Variants in NCOA2 observed in about 807,000 individuals in gnomAD.
NCOA2 encodes class E basic helix-loop-helix protein 75.
In NCOA2, 21 loss-of-function variants were observed where a neutral mutation model predicts 145.1. The observed-to-expected ratio is 0.14, with a 90% CI of 0.10 to 0.21. The LOEUF (loss-of-function observed/expected upper bound fraction) is 0.21. Ranked by LOEUF, NCOA2 falls within the 10% of genes least tolerant of loss-of-function variation. NCOA2 has a pLI of 1.00. For missense variants in NCOA2, 1,472 were observed against 1,837.6 expected (o/e 0.80, Z 3.64); for synonymous variants, 619 against 637.5 (o/e 0.97, Z 0.44).
chr8:70,182,348 C>T (rs1815580501), intron 4 of NCOA2, among the ~76,000 whole-genome samples: 2 of 152,190 alleles, frequency 1.3e-5, no homozygotes, highest in Admixed American at 1.3e-4. Flanking sequence ...CCCAGCAAAA[C>T]CCTCTTACTC....
At position 70,174,801 on chromosome 8, in the gene NCOA2, C is replaced by T. The variant is rs1394208447; in HGVS notation, c.318G>A (p.Gly106=). The T allele has an allele frequency of 4.3e-6, 7 of 1,613,620 alleles. No individual in the cohort carries two copies. The highest frequency in any genetic ancestry group is 5.9e-6 in the Non-Finnish European group (7 of 1,179,716). ...EVQKSDVSST[G]QGVIDKDALG... is the part of the protein sequence containing the mutation. ...GCGCATCCTTGTCGATGACACCCTG[C>T]CCTGTAGAGGATACATCTGACTTCT... is the stretch of plus-strand genomic sequence containing the variant. The change falls in exon 5 of 23, where the codon GGG becomes GGA. Residue 106 remains glycine, a synonymous_variant. Coordinates refer to ENST00000452400, the MANE Select transcript of NCOA2 (RefSeq NM_006540.4).
Position 70,156,513 on chromosome 8 carries a change from G to A in NCOA2, c.1852C>T (p.Pro618Ser). 1.2e-6 allele frequency: 2 copies of A among 1,613,842 alleles called. No individual in the cohort carries two copies. Among genetic ancestry groups the A allele is most frequent in the South Asian group, 1.1e-5 (1 of 91,084 alleles). The change falls in exon 11 of 23, where the codon CCC becomes TCC. Residue 618 changes from proline (P) to serine (S), a missense_variant. By Grantham distance (74) the Pro-to-Ser change is moderately conservative. Coordinates refer to ENST00000452400, the MANE Select transcript of NCOA2 (RefSeq NM_006540.4). Reference sequence around the variant, plus strand: ...GCTCTCTCACTGCTCACGGCCGGGGGCAGGTTGGGGTCATTTGTTTCCTTT... The same window carrying A: ...GCTCTCTCACTGCTCACGGCCGGGGACAGGTTGGGGTCATTTGTTTCCTTT... ...EQKETNDPNLPPAVSSERADG... is the reference protein window; with the variant it reads ...EQKETNDPNLSPAVSSERADG...
intron 2 of NCOA2, among the ~76,000 whole-genome samples, chr8:70,286,676 G>A (rs1051495315): frequency 1.3e-5 from 2 of 152,108 alleles, no homozygotes; most frequent in Non-Finnish European, 2.9e-5. Context: ...TAAATTCTAG[G>A]TAGTAAGCAA....
chr8:70,387,554 T>C (rs1812780406), intron 1 of NCOA2, among the ~76,000 whole-genome samples: 1 of 152,154 alleles, frequency 6.6e-6, no homozygotes, highest in Admixed American at 6.6e-5. Flanking sequence ...AGATGGTGGC[T>C]CCCAACACGA....
rs149812200 is a variant in NCOA2 at position 70,218,566 on chromosome 8, G to A, written c.-19-1802C>T. On this transcript the variant is annotated intron_variant, in intron 2 of 22. Coordinates refer to ENST00000452400, the MANE Select transcript of NCOA2 (RefSeq NM_006540.4). ...GGAGTTGGAGACCAGCCTGAACAAC[G>A]TATCAAGATCCCATCTCTGTAACAA... Among the ~76,000 whole-genome samples the A allele has an allele frequency of 2.3e-3, 351 of 152,192 alleles. 5 individuals are homozygous for A. The highest frequency in any genetic ancestry group is 4.4e-3 in the Non-Finnish European group (298 of 68,008).
At chr8:70,227,961 A>G (rs1463103099) in intron 2 of NCOA2, among the ~76,000 whole-genome samples, 1 of 146,406 alleles carries the variant, frequency 6.8e-6, no homozygotes, top group African/African-American at 2.5e-5. Flanking sequence ...GGTCGCAGTG[A>G]GCCATTGCAC....
the NCOA2 span, among the ~76,000 whole-genome samples, chr8:70,419,175 C>T: frequency 6.7e-6 from 1 of 150,312 alleles, no homozygotes; most frequent in African/African-American, 2.4e-5. Flanking sequence ...CTTGGTTTCA[C>T]TGTTGGCTTT....
the NCOA2 span, among the ~76,000 whole-genome samples, chr8:70,418,698 T>C: frequency 1.3e-5 from 2 of 152,190 alleles, no homozygotes; most frequent in African/African-American, 4.8e-5. Flanking sequence ...AGATATGCCT[T>C]CCCTGCACAA....
At chr8:70,360,345 T>C (rs1810090647) in intron 1 of NCOA2, among the ~76,000 whole-genome samples, 2 of 152,216 alleles carry the variant, frequency 1.3e-5, no homozygotes, top group African/African-American at 4.8e-5. Context: ...TCACTATTTA[T>C]ACCTTCATCA....
intron 1 of NCOA2, among the ~76,000 whole-genome samples, chr8:70,369,638 G>A (rs1294586713): frequency 6.6e-6 from 1 of 152,156 alleles, no homozygotes; most frequent in Non-Finnish European, 1.5e-5. Context: ...TTCTGCCAAT[G>A]ATTAATTTGA....
At chr8:70,268,328 T>A (rs2094314313) in intron 2 of NCOA2, among the ~76,000 whole-genome samples, 1 of 152,210 alleles carries the variant, frequency 6.6e-6, no homozygotes, top group Admixed American at 6.5e-5. Flanking sequence ...TAATTTCAAG[T>A]AGACCATCTA....
At chr8:70,118,627 T>A (rs2131282645) in intron 22 of NCOA2, among the ~76,000 whole-genome samples, 1 of 152,196 alleles carries the variant, frequency 6.6e-6, no homozygotes, top group East Asian at 1.9e-4. Flanking sequence ...AATCATCAAA[T>A]ACCCACTTTT....
At chr8:70,222,454 A>G (rs976731777) in intron 2 of NCOA2, among the ~76,000 whole-genome samples, 1 of 152,240 alleles carries the variant, frequency 6.6e-6, no homozygotes, top group South Asian at 2.1e-4. Flanking sequence ...AACAGTATAT[A>G]AACAAATGTT....
the NCOA2 span, among the ~76,000 whole-genome samples, chr8:70,435,019 T>A: frequency 6.6e-6 from 1 of 152,236 alleles, no homozygotes; most frequent in South Asian, 2.1e-4. Flanking sequence ...ATTTTAATTC[T>A]ATTTGTGTAC....
At chr8:70,392,498 G>A (rs990197561) in intron 1 of NCOA2, among the ~76,000 whole-genome samples, 1 of 152,184 alleles carries the variant, frequency 6.6e-6, no homozygotes, top group African/African-American at 2.4e-5. Flanking sequence ...GTTGCCACAA[G>A]TATATATTAA....
Position 70,112,620 on chromosome 8 carries a change from G to T in NCOA2, c.*1012C>A. On this transcript the variant is annotated 3_prime_UTR_variant, in exon 23 of 23. Transcript: ENST00000452400. Reference sequence around the variant, plus strand: ...TCGATTGGTATCAAGCCTTAACTTTGCTCTTCTCCTTGCCAGTAAATGCAT... The same window carrying T: ...TCGATTGGTATCAAGCCTTAACTTTTCTCTTCTCCTTGCCAGTAAATGCAT... The T allele has an allele frequency of 5.0e-6, 1 of 201,750 alleles. No individual in the cohort carries two copies. The highest frequency in any genetic ancestry group is 1.0e-5 in the Non-Finnish European group (1 of 98,190). 12.5% of individuals were successfully genotyped at this position (201,750 alleles called of 1,614,324 possible). A position where few individuals can be genotyped will look rare whatever the true frequency, so the allele number is the denominator to read the frequency against.
chr8:70,176,580 C>T (rs2132819514), intron 4 of NCOA2, among the ~76,000 whole-genome samples: 1 of 152,282 alleles, frequency 6.6e-6, no homozygotes, highest in Non-Finnish European at 1.5e-5. Context: ...GCCCCCACCC[C>T]CTTTTACTGG....
At chr8:70,376,030 C>G (rs930263776) in intron 1 of NCOA2, among the ~76,000 whole-genome samples, 14 of 152,160 alleles carry the variant, frequency 9.2e-5, no homozygotes, top group Admixed American at 7.9e-4. Context: ...GAAAAATACT[C>G]TTCCATTCAA....
intron 2 of NCOA2, among the ~76,000 whole-genome samples, chr8:70,234,638 G>T (rs1320095517): frequency 6.6e-6 from 1 of 151,942 alleles, no homozygotes; most frequent in African/African-American, 2.4e-5. Context: ...ATCTTTACTT[G>T]TGTTTATTTG....
Sources: allele counts gnomAD v4.1 joint callset (sites outside exome capture counted in the v4.1 genomes callset), GRCh38; gene constraint gnomAD v4.1.1; transcripts MANE v1.5; gene names NCBI Gene and HGNC (gene_info 2026-07-23, HGNC 2026-07-21).